The following COMMD10 variants were observed in gnomAD, a reference collection of about 807,000 sequenced individuals.
COMMD10 encodes the protein COMM domain containing 10.
A neutral mutation model predicts 28.9 loss-of-function variants in COMMD10; 33 were observed. The observed-to-expected ratio is 1.14, with a 90% CI of 0.87 to 1.53. The LOEUF is 1.53. COMMD10 is among the 40% of genes most tolerant of loss of function. COMMD10 has a pLI of 0.00. For missense variants in COMMD10, 310 were observed against 233.4 expected (o/e 1.33, Z -2.14); for synonymous variants, 110 against 81.7 (o/e 1.35, Z -1.87).
At chr5:116,227,096 G>T (rs528746293) in intron 5 of COMMD10, among the ~76,000 whole-genome samples, 114 of 152,102 alleles carry the variant, frequency 7.5e-4, no homozygotes, top group African/African-American at 2.6e-3. Context: ...AGCAGGGTCT[G>T]TATCTATCTG....
chr5:116,149,416 C>G (rs1427959126), intron 5 of COMMD10, among the ~76,000 whole-genome samples: 1 of 148,306 alleles, frequency 6.7e-6, no homozygotes, highest in Non-Finnish European at 1.5e-5. Flanking sequence ...TTCTAGATCC[C>G]TGAGGAATCG....
chr5:116,124,844 G>T (rs1459326407), intron 4 of COMMD10, among the ~76,000 whole-genome samples: 1 of 151,984 alleles, frequency 6.6e-6, no homozygotes, highest in Non-Finnish European at 1.5e-5. Context: ...TGTCTCTTTT[G>T]ATCTTTGTTT....
intron 5 of COMMD10, among the ~76,000 whole-genome samples, chr5:116,200,980 G>T (rs980367772): frequency 1.3e-5 from 2 of 152,016 alleles, no homozygotes; most frequent in Admixed American, 1.3e-4. Flanking sequence ...CTATGATTAG[G>T]TATCACTTTT....
intron 5 of COMMD10, among the ~76,000 whole-genome samples, chr5:116,248,553 G>C (rs1034348731): frequency 2.0e-5 from 3 of 151,856 alleles, no homozygotes; most frequent in Non-Finnish European, 4.4e-5. Context: ...TTCTGTTTTT[G>C]TTGTAATTTG....
chr5:116,165,376 C>T (rs184545880), intron 5 of COMMD10, among the ~76,000 whole-genome samples: 12 of 152,202 alleles, frequency 7.9e-5, no homozygotes, highest in Admixed American at 2.0e-4. Context: ...AATTAATAGC[C>T]ACTCACATAC....
At chr5:116,125,966 T>C (rs1321251653) in intron 4 of COMMD10, among the ~76,000 whole-genome samples, 2 of 152,162 alleles carry the variant, frequency 1.3e-5, no homozygotes, top group African/African-American at 2.4e-5. Flanking sequence ...GGTATTCAGT[T>C]AGGAAAAGAA....
chr5:116,254,255 G>C (rs1407836630), intron 5 of COMMD10, among the ~76,000 whole-genome samples: 1 of 152,054 alleles, frequency 6.6e-6, no homozygotes, highest in East Asian at 1.9e-4. Flanking sequence ...CCAGTTCCTG[G>C]ATTCATTAAT....
rs796574101 is a variant in COMMD10 at position 116,163,301 on chromosome 5, A to G, written c.510+29123A>G. Among the ~76,000 whole-genome samples, 22 of 151,916 alleles carry G rather than the reference A, an allele frequency of 1.4e-4. No individual in the cohort carries two copies. In the South Asian group the frequency reaches 4.4e-3, roughly 30 times the overall value. Reference sequence around the variant, plus strand: ...CTTATAATTTAAAAAAAGATAAACCAGGGCCAGGCATGGTAGCTCACTCCT... The same window carrying G: ...CTTATAATTTAAAAAAAGATAAACCGGGGCCAGGCATGGTAGCTCACTCCT... On this transcript the variant is annotated intron_variant, in intron 5 of 6. Transcript: ENST00000274458.
chr5:116,235,531 C>G (rs1580570624), intron 5 of COMMD10, among the ~76,000 whole-genome samples: 1 of 152,252 alleles, frequency 6.6e-6, no homozygotes, highest in East Asian at 1.9e-4. Flanking sequence ...CAAAGATCTT[C>G]CACAGAAAAG....
At chr5:116,222,587 G>A (rs187307387) in intron 5 of COMMD10, among the ~76,000 whole-genome samples, 6 of 152,270 alleles carry the variant, frequency 3.9e-5, no homozygotes, top group Non-Finnish European at 7.4e-5. Flanking sequence ...CATGAGGCTG[G>A]ACAGAAAGAT....
At chr5:116,251,295 TTTATTTA>T (rs1316522840) in intron 5 of COMMD10, among the ~76,000 whole-genome samples, 2 of 148,018 alleles carry the variant, frequency 1.4e-5, no homozygotes, top group African/African-American at 5.0e-5. Context: ...TATTTATTTA[TTTATTTA>T]TTATTATACT....
intron 6 of COMMD10, among the ~76,000 whole-genome samples, chr5:116,292,135 A>G (rs13356050): frequency 0.036 from 5,426 of 151,412 alleles, 343 homozygotes; most frequent in African/African-American, 0.12. Context: ...CTCCAATAAA[A>G]CCCCATGTCT....
chr5:116,272,895 T>G (rs1397484941), intron 5 of COMMD10, among the ~76,000 whole-genome samples: 1 of 151,904 alleles, frequency 6.6e-6, no homozygotes, highest in Non-Finnish European at 1.5e-5. Context: ...AAGATTATTT[T>G]TTTCCTCTCA....
Position 116,206,072 on chromosome 5 carries a change from A to G in COMMD10, c.510+71894A>G, listed in dbSNP as rs1262493182. ...CTGAAAATTGTTTTCTGAAATTATTAGCTCACTGCTGAAATATCTTCAGAT... is the reference window on the plus strand; with the variant it reads ...CTGAAAATTGTTTTCTGAAATTATTGGCTCACTGCTGAAATATCTTCAGAT... On this transcript the variant is annotated intron_variant, in intron 5 of 6. Transcript: ENST00000274458. 2.6e-5 allele frequency among the ~76,000 whole-genome samples: 4 copies of G among 152,226 alleles called. No individual in the cohort carries two copies. In the East Asian group the frequency reaches 7.7e-4, roughly 29 times the overall value.
chr5:116,180,551 A>G (rs1032716113), intron 5 of COMMD10, among the ~76,000 whole-genome samples: 19 of 152,026 alleles, frequency 1.2e-4, no homozygotes, highest in African/African-American at 4.6e-4. Context: ...AGACAATACA[A>G]TTTATTGTGA....
intron 5 of COMMD10, among the ~76,000 whole-genome samples, chr5:116,158,793 A>C (rs1186009707): frequency 6.6e-6 from 1 of 151,754 alleles, no homozygotes; most frequent in African/African-American, 2.4e-5. Context: ...GAGGATCCAC[A>C]TCTAAAACTT....
chr5:116,085,088 C>T lies in COMMD10; in HGVS notation c.36C>T (p.Ser12=), dbSNP rs772119143. Residue 12 remains serine, a synonymous_variant, in exon 1 of 7, where the codon AGC becomes AGT. Transcript: ENST00000274458. ...AVPAALILRE[S]PSMKKAVSLI... is the part of the protein sequence containing the mutation. Reference sequence around the variant, plus strand: ...CCGCGGCGCTGATCCTACGGGAGAGCCCCAGGTAGCTGATCCGTTAAGCTC... The same window carrying T: ...CCGCGGCGCTGATCCTACGGGAGAGTCCCAGGTAGCTGATCCGTTAAGCTC... The T allele has an allele frequency of 3.1e-6, 5 of 1,609,920 alleles. No homozygotes were observed. The highest frequency in any genetic ancestry group is 2.2e-5 in the East Asian group (1 of 44,722).
At chr5:116,114,885 G>T (rs1751179565) in intron 4 of COMMD10, among the ~76,000 whole-genome samples, 1 of 152,122 alleles carries the variant, frequency 6.6e-6, no homozygotes, top group Non-Finnish European at 1.5e-5. Flanking sequence ...GGACCAGACT[G>T]CTTTGGCGGC....
chr5:116,085,058 G>C lies in COMMD10; in HGVS notation c.6G>C (p.Ala2=), dbSNP rs773139726. Residue 2 remains alanine (A), a synonymous_variant, in exon 1 of 7, where the codon GCG becomes GCC. Transcript: ENST00000274458. Reference sequence around the variant, plus strand: ...GCAGTGCGAGAAAGCCGAAGATGGCGGTCCCCGCGGCGCTGATCCTACGGG... The same window carrying C: ...GCAGTGCGAGAAAGCCGAAGATGGCCGTCCCCGCGGCGCTGATCCTACGGG... The part of the protein sequence containing the change: M[A]VPAALILRES... 1.2e-6 allele frequency: 2 copies of C among 1,609,046 alleles called. No homozygotes were observed. The highest frequency in any genetic ancestry group is 1.1e-5 in the South Asian group (1 of 90,100).
Sources: gnomAD v4.1 joint callset for allele counts (sites outside exome capture counted in the v4.1 genomes callset) on GRCh38, gnomAD v4.1.1 for gene constraint, MANE v1.5 for transcripts, NCBI Gene and HGNC (gene_info 2026-07-23, HGNC 2026-07-21) for gene names.